MROH7: variants seen among roughly 807,000 people sequenced by gnomAD.
The protein encoded by MROH7 is maestro heat like repeat family member 7, also known as maestro heat-like repeat-containing protein family member 7.
In MROH7, 113 loss-of-function variants were observed where a neutral mutation model predicts 129.2. The observed-to-expected ratio is 0.87, with a 90% CI of 0.75 to 1.02. The LOEUF (loss-of-function observed/expected upper bound fraction) is 1.02, where lower values mean the gene tolerates loss of function less well. MROH7 is among the 50% of genes least tolerant of loss of function. The probability of loss-of-function intolerance (pLI) is 0.00; values close to 1 mark genes in which losing one functional copy is unlikely to be tolerated. For synonymous variants in MROH7, 655 were observed against 667.9 expected (o/e 0.98, Z 0.30); for missense variants, 1,601 against 1,671.3 (o/e 0.96, Z 0.73).
chr1:54,709,963 C>T lies in MROH7; in HGVS notation c.3748C>T (p.His1250Tyr). Residue 1250 changes from histidine (H) to tyrosine (Y), a missense_variant, in exon 24 of 24, where the codon CAT (histidine) becomes TAT (tyrosine). Transcript: ENST00000421030. The stretch of plus-strand genomic sequence containing the variant: ...TGACGCAGCTCTGGATAACTTGAGA[C>T]ATGACCCAGAAGCATCAGTGTGCAT... Reference protein sequence around the residue: ...EVKAALDNLRHDPEASVCIYA... With the variant: ...EVKAALDNLRYDPEASVCIYA... 1.2e-6 allele frequency: 2 copies of T among 1,613,134 alleles called. No homozygotes were observed. Among genetic ancestry groups the T allele is most frequent in the Non-Finnish European group, 8.5e-7 (1 of 1,179,176 alleles).
intron 16 of MROH7, among the ~76,000 whole-genome samples, chr1:54,695,080 C>T (rs534634750): frequency 1.3e-5 from 2 of 152,332 alleles, no homozygotes; most frequent in East Asian, 3.9e-4. Context: ...CTTCCTCTCT[C>T]TGCTGCCTGA....
rs374146862 is a variant in MROH7, at chr1:54,653,944, G to A, written c.1018G>A (p.Asp340Asn). 52 of 1,614,144 alleles carry A rather than the reference G, an allele frequency of 3.2e-5. No homozygotes were observed. The African/African-American group carries it at 5.6e-4, about 17-fold the overall frequency. ...ILGSNETLSLDSSLLFSDTST... is the reference protein window; with the variant it reads ...ILGSNETLSLNSSLLFSDTST... The stretch of plus-strand genomic sequence containing the variant: ...GGGTTCCAATGAGACTCTGAGCCTG[G>A]ACTCCAGCCTCCTGTTCAGCGACAC... The change falls in exon 3 of 24, where the codon GAC (aspartate) becomes AAC (asparagine). Residue 340 changes from aspartate (D) to asparagine (N), a missense_variant. Asp to Asn is a conservative substitution (Grantham distance 23). Coordinates refer to ENST00000421030, the MANE Select transcript of MROH7 (RefSeq NM_001039464.4).
intron 16 of MROH7, among the ~76,000 whole-genome samples, chr1:54,693,484 T>C (rs879278663): frequency 6.6e-6 from 1 of 152,200 alleles, no homozygotes; most frequent in Non-Finnish European, 1.5e-5. Context: ...GGCTAATTTT[T>C]ACTATAGTTA....
intron 3 of MROH7, among the ~76,000 whole-genome samples, chr1:54,660,675 C>T (rs1243559768): frequency 6.6e-6 from 1 of 152,046 alleles, no homozygotes; most frequent in African/African-American, 2.4e-5. Flanking sequence ...ATTAGCCAGA[C>T]ATGGTGGCAC....
At chr1:54,680,397 A>G (rs1645051115) in intron 13 of MROH7, among the ~76,000 whole-genome samples, 1 of 152,192 alleles carries the variant, frequency 6.6e-6, no homozygotes, top group Non-Finnish European at 1.5e-5. Context: ...ATGCCATTGA[A>G]AGGAGGTCTG....
At chr1:54,673,894 T>C (rs1262545153) in intron 9 of MROH7, 89 bp downstream of exon 9, 2 of 1,518,084 alleles carry the variant, frequency 1.3e-6, no homozygotes, top group African/African-American at 1.4e-5. Flanking sequence ...GATTCCCAGG[T>C]GGCTCTTGCC....
At chr1:54,671,683 G>T (rs1409817360) in intron 7 of MROH7, among the ~76,000 whole-genome samples, 1 of 152,184 alleles carries the variant, frequency 6.6e-6, no homozygotes, top group African/African-American at 2.4e-5. Flanking sequence ...AGGGTCAGTG[G>T]GGAAGGTTAA....
intron 20 of MROH7, 37 bp downstream of exon 20, chr1:54,702,282 C>T: frequency 7.2e-6 from 10 of 1,384,540 alleles, no homozygotes; most frequent in Non-Finnish European, 9.4e-6. Context: ...CTACCCCTCC[C>T]TCGGGTCCTG....
chr1:54,692,539 C>T lies in MROH7; in HGVS notation c.2827C>T (p.Arg943Cys), dbSNP rs771841626. Residue 943 changes from arginine (R) to cysteine (C), a missense_variant, in exon 16 of 24, where the codon CGC becomes TGC. Transcript: ENST00000421030. The part of the protein sequence containing the change: ...ELMEQVESHH[R>C]GVALLARAMV... ...CATGGAGCAGGTGGAGAGCCACCACCGCGGAGTGGCCTTGCTGGCAAGGTG... is the reference window on the plus strand; with the variant it reads ...CATGGAGCAGGTGGAGAGCCACCACTGCGGAGTGGCCTTGCTGGCAAGGTG... The T allele has an allele frequency of 6.1e-5, 98 of 1,594,802 alleles. No individual in the cohort carries two copies. Among genetic ancestry groups the T allele is most frequent in the Non-Finnish European group, 8.0e-5 (93 of 1,168,250 alleles).
intron 3 of MROH7, among the ~76,000 whole-genome samples, chr1:54,664,475 G>A (rs1644781595): frequency 6.6e-6 from 1 of 152,206 alleles, no homozygotes; most frequent in Non-Finnish European, 1.5e-5. Context: ...AGTGGCCCGG[G>A]TAGAGGGAAC....
At chr1:54,694,986 T>C (rs1477006126) in intron 16 of MROH7, among the ~76,000 whole-genome samples, 2 of 152,212 alleles carry the variant, frequency 1.3e-5, no homozygotes, top group Non-Finnish European at 2.9e-5. Context: ...AACAGCAACC[T>C]GCTTCGAAGG....
At chr1:54,673,913 A>G in intron 9 of MROH7, 103 bp from the exon 10 acceptor site, 3 of 1,532,740 alleles carry the variant, frequency 2.0e-6, no homozygotes, top group Non-Finnish European at 2.7e-6. Flanking sequence ...CCATCTTCAG[A>G]GGGCTGTGCT....
intron 3 of MROH7, among the ~76,000 whole-genome samples, chr1:54,663,201 T>G (rs911684337): frequency 2.6e-5 from 4 of 152,162 alleles, no homozygotes; most frequent in Non-Finnish European, 5.9e-5. Context: ...ATTTATTTAT[T>G]TATTTATTTG....
chr1:54,697,325 T>C, intron 17 of MROH7: 2 of 263,268 alleles, frequency 7.6e-6, no homozygotes, highest in East Asian at 1.3e-4. Flanking sequence ...AGGTGGGCTA[T>C]GAGTTGGGAG....
intron 4 of MROH7, chr1:54,665,551 A>C (rs1466733381): frequency 9.5e-6 from 2 of 210,882 alleles, no homozygotes; most frequent in East Asian, 2.4e-4. Context: ...AAACAATTGA[A>C]TGAATTGTGA....
intron 17 of MROH7, chr1:54,699,872 C>T (rs948166634): frequency 3.2e-5 from 17 of 531,196 alleles, no homozygotes; most frequent in African/African-American, 7.6e-5. Context: ...AGCTTTAAGG[C>T]TCTGAGTTTT....
chr1:54,675,104 T>C (rs930697227), intron 10 of MROH7, among the ~76,000 whole-genome samples: 2 of 152,154 alleles, frequency 1.3e-5, no homozygotes, highest in Non-Finnish European at 1.5e-5. Flanking sequence ...GCCTCCCCAG[T>C]AGCTGGGATT....
At chr1:54,669,024 GGAGGTT>G in intron 5 of MROH7, 87 bp downstream of exon 5, 2 of 967,468 alleles carry the variant, frequency 2.1e-6, no homozygotes, top group Middle Eastern at 2.8e-4. Context: ...CGCAGGGGTG[GGAGGTT>G]GAGGTAGGAA....
chr1:54,706,524 A>G lies in MROH7; in HGVS notation c.3654A>G (p.Ser1218=). Residue 1218 remains serine (S), a synonymous_variant, in exon 22 of 24, where the codon TCA becomes TCG. Transcript: ENST00000421030. ...CACGGGCCTCCCTCCGGAAGTGCTC[A>G]GTCATGTTCATAGGTAACCTGCCCT... ...KNSRASLRKC[S]VMFIGSLVPC... 1 of 1,612,666 alleles carries G rather than the reference A, an allele frequency of 6.2e-7. No individual in the cohort carries two copies. The highest frequency in any genetic ancestry group is 1.1e-5 in the South Asian group (1 of 91,048).
Sources: gnomAD v4.1 joint callset for allele counts (sites outside exome capture counted in the v4.1 genomes callset) on GRCh38, gnomAD v4.1.1 for gene constraint, MANE v1.5 for transcripts, NCBI Gene and HGNC (gene_info 2026-07-23, HGNC 2026-07-21) for gene names.